PRKG1: variants seen among roughly 807,000 people sequenced by gnomAD.
PRKG1 encodes the protein cGMP-dependent protein kinase 1.
In PRKG1, 35 loss-of-function variants were observed where a neutral mutation model predicts 88.1. The observed-to-expected ratio is 0.40, with a 90% confidence interval of 0.30 to 0.53. The LOEUF is 0.53. Among genes scored for constraint, PRKG1 ranks in the 20% least tolerant of loss-of-function variants. The pLI, the probability that PRKG1 is intolerant of heterozygous loss-of-function variation, is 0.59. For missense variants in PRKG1, 540 were observed against 839.8 expected (o/e 0.64, Z 4.41); for synonymous variants, 303 against 292.5 (o/e 1.04, Z -0.37).
chr10:52,296,552 A>AT lies in PRKG1; in HGVS notation c.*2655dup, dbSNP rs376755123. ...AGTTCCATAAAATGCATCTCACTTTATTTCTGAATTTTTCACAACCCCTCT... is the reference window on the plus strand; with the variant it reads ...AGTTCCATAAAATGCATCTCACTTTATTTTCTGAATTTTTCACAACCCCTCT... On this transcript the variant is annotated 3_prime_UTR_variant, in exon 18 of 18. Transcript: ENST00000373980. 9.1e-4 allele frequency: 139 copies of AT among 152,170 alleles called. No homozygotes were observed. Among genetic ancestry groups the AT allele is most frequent in the African/African-American group, 3.0e-3 (126 of 41,564 alleles). The allele number at this position is 152,170 out of a possible 1,614,324, so 9.4% of individuals were successfully genotyped here. A position where few individuals can be genotyped will look rare whatever the true frequency, so the allele number is the denominator to read the frequency against.
intron 5 of PRKG1, among the ~76,000 whole-genome samples, chr10:52,039,934 C>T (rs976132636): frequency 6.6e-6 from 1 of 152,124 alleles, no homozygotes; most frequent in Non-Finnish European, 1.5e-5. Context: ...AATGACTCTA[C>T]CTTCAGCTCT....
chr10:51,218,685 G>C (rs1838443522), intron 2 of PRKG1, among the ~76,000 whole-genome samples: 1 of 151,342 alleles, frequency 6.6e-6, no homozygotes, highest in Non-Finnish European at 1.5e-5. Context: ...GTAATGTCTT[G>C]ATATTTTGTT....
intron 2 of PRKG1, among the ~76,000 whole-genome samples, chr10:51,456,623 A>G (rs2132785646): frequency 6.6e-6 from 1 of 152,322 alleles, no homozygotes; most frequent in African/African-American, 2.4e-5. Context: ...AAGCTTCTGC[A>G]CAGCAAAAGA....
At chr10:51,757,579 T>A (rs1837902900) in intron 3 of PRKG1, among the ~76,000 whole-genome samples, 2 of 152,008 alleles carry the variant, frequency 1.3e-5, no homozygotes, top group Non-Finnish European at 1.5e-5. Context: ...TAATGTAGAG[T>A]TGAGTTGTCC....
intron 9 of PRKG1, among the ~76,000 whole-genome samples, chr10:52,171,700 G>A (rs1838681050): frequency 8.3e-6 from 1 of 120,740 alleles, no homozygotes; most frequent in East Asian, 2.6e-4. Flanking sequence ...AGTGCAGTGA[G>A]ACTGATTCAG....
At chr10:51,967,569 G>A (rs201653429) in intron 5 of PRKG1, among the ~76,000 whole-genome samples, 93 of 120,652 alleles carry the variant, frequency 7.7e-4, no homozygotes, top group Admixed American at 4.4e-3. Flanking sequence ...AAAAAAAAAA[G>A]ATTGTTTTCT....
rs572465534 is a variant in PRKG1 at position 51,418,614 on chromosome 10, G to A, written c.479-49109G>A. ...ATCTAAGCCAGGCAATCAAGTCTCAGCTCTGGACTAATGCAACGAATGAAT... is the reference window on the plus strand; with the variant it reads ...ATCTAAGCCAGGCAATCAAGTCTCAACTCTGGACTAATGCAACGAATGAAT... On this transcript the variant is annotated intron_variant, in intron 2 of 17. Transcript: ENST00000373980. Among the ~76,000 whole-genome samples the A allele has an allele frequency of 5.9e-5, 9 of 152,284 alleles. No homozygotes were observed. The South Asian group carries it at 1.7e-3, about 28-fold the overall frequency.
intron 3 of PRKG1, among the ~76,000 whole-genome samples, chr10:51,651,417 T>C (rs1453789158): frequency 2.0e-5 from 3 of 152,044 alleles, no homozygotes; most frequent in African/African-American, 7.2e-5. Context: ...TGTTTACCTA[T>C]AGGTTACCCC....
chr10:51,056,822 C>T (rs1843631408), intron 1 of PRKG1, among the ~76,000 whole-genome samples: 1 of 151,934 alleles, frequency 6.6e-6, no homozygotes, highest in Non-Finnish European at 1.5e-5. Context: ...ACCCCTGACC[C>T]CATGTCTGCT....
chr10:52,232,159 C>T (rs988659940), intron 9 of PRKG1, among the ~76,000 whole-genome samples: 6 of 151,820 alleles, frequency 4.0e-5, no homozygotes, highest in Non-Finnish European at 7.4e-5. Flanking sequence ...AAAAATTATC[C>T]GGGCATGATG....
intron 7 of PRKG1, among the ~76,000 whole-genome samples, chr10:52,112,290 T>G (rs1201438571): frequency 6.6e-6 from 1 of 152,198 alleles, no homozygotes; most frequent in Non-Finnish European, 1.5e-5. Context: ...TCTCTTGTAT[T>G]ATAATTATTT....
intron 5 of PRKG1, among the ~76,000 whole-genome samples, chr10:51,927,931 A>G (rs912943215): frequency 3.9e-5 from 6 of 152,180 alleles, no homozygotes; most frequent in Non-Finnish European, 7.3e-5. Context: ...AATTCTCTGG[A>G]TACATTTCTG....
rs1841513551 is a variant in PRKG1, at chr10:51,323,814, A to T, written c.479-143909A>T. Among the ~76,000 whole-genome samples, 3 of 152,136 alleles carry T rather than the reference A, an allele frequency of 2.0e-5. No individual in the cohort carries two copies. In the South Asian group the frequency reaches 6.2e-4, roughly 31 times the overall value. ...AGAAAATTGTTTTAGTTAGCTGGGC[A>T]TGGTGGCACGTGCCTGTAGTCCCAG... is the stretch of plus-strand genomic sequence containing the variant. On this transcript the variant is annotated intron_variant, in intron 2 of 17. Transcript: ENST00000373980.
At chr10:51,123,877 C>G (rs1845329555) in intron 1 of PRKG1, among the ~76,000 whole-genome samples, 1 of 151,978 alleles carries the variant, frequency 6.6e-6, no homozygotes, top group Admixed American at 6.6e-5. Flanking sequence ...GTGGTGAAAG[C>G]AGGCGCGAGA....
chr10:51,458,773 G>C (rs1239843735), intron 2 of PRKG1, among the ~76,000 whole-genome samples: 4 of 152,134 alleles, frequency 2.6e-5, no homozygotes, highest in African/African-American at 9.7e-5. Context: ...TGACAGTACA[G>C]TTGTCCCTTG....
rs189930545 is a variant in PRKG1, at chr10:51,247,600, C to T, written c.478+94270C>T. On this transcript the variant is annotated intron_variant, in intron 2 of 17. Coordinates refer to ENST00000373980, the MANE Select transcript of PRKG1 (RefSeq NM_006258.4). ...TCAGCTAATTACCCTGAGGACAGGA[C>T]GTTGTTTAACTTGTTTATTCCCAAA... Among the ~76,000 whole-genome samples the T allele has an allele frequency of 4.8e-3, 735 of 151,964 alleles. 2 individuals are homozygous for T. Among genetic ancestry groups the T allele is most frequent in the African/African-American group, 0.017 (691 of 41,488 alleles).
At chr10:51,570,081 T>TATATATATATA (rs1837711378) in intron 3 of PRKG1, among the ~76,000 whole-genome samples, 1 of 122,344 alleles carries the variant, frequency 8.2e-6, no homozygotes, top group African/African-American at 3.6e-5. Flanking sequence ...GTGTGTGTGT[T>TATATATATATA]TATATATGTA....
chr10:51,950,409 GC>G (rs1843154262), intron 5 of PRKG1, among the ~76,000 whole-genome samples: 1 of 152,212 alleles, frequency 6.6e-6, no homozygotes, highest in Non-Finnish European at 1.5e-5. Flanking sequence ...TATATGAGAG[GC>G]TTTTTGGAAG....
intron 9 of PRKG1, among the ~76,000 whole-genome samples, chr10:52,165,436 G>C (rs1232275978): frequency 1.3e-5 from 2 of 152,122 alleles, no homozygotes; most frequent in African/African-American, 4.8e-5. Flanking sequence ...TATAAGGGTT[G>C]CCAATGCTGC....
Sources: allele counts gnomAD v4.1 joint callset (sites outside exome capture counted in the v4.1 genomes callset), GRCh38; gene constraint gnomAD v4.1.1; transcripts MANE v1.5; gene names NCBI Gene and HGNC (gene_info 2026-07-23, HGNC 2026-07-21).